LARGE1: variants seen among roughly 807,000 people sequenced by gnomAD.
The protein encoded by LARGE1 is LARGE xylosyl- and glucuronyltransferase 1.
LARGE1 carries 43 observed loss-of-function variants against 87.6 expected under a neutral mutation model. That is an observed-to-expected ratio of 0.49 (90% CI 0.38 to 0.63). LARGE1 has a LOEUF of 0.63. LARGE1 is among the 30% of genes least tolerant of loss of function. The pLI is 0.00. For synonymous variants in LARGE1, 434 were observed against 394.6 expected, an observed-to-expected ratio of 1.10 and a Z score of -1.18; for missense variants, 802 against 1,000.2, an observed-to-expected ratio of 0.80 and a Z score of 2.67.
chr22:33,814,610 CTCAGGACCACAGCT>C (rs1450963325), intron 1 of LARGE1, among the ~76,000 whole-genome samples: 1 of 152,160 alleles, frequency 6.6e-6, no homozygotes, highest in African/African-American at 2.4e-5. Context: ...CTGCCTCTGC[CTCAGGACCACAGCT>C]TCATTTTCTG....
At position 33,432,173 on chromosome 22, in the gene LARGE1, C is replaced by G; in HGVS notation, c.880G>C (p.Gly294Arg). 1 of 1,613,946 alleles carries G rather than the reference C, an allele frequency of 6.2e-7. No homozygotes were observed. Among genetic ancestry groups the G allele is most frequent in the Non-Finnish European group, 8.5e-7 (1 of 1,179,806 alleles). ...CCTGAGGATTTACCTGTGTTGTAGC[C>G]TCTTCCAAGGGCTGGCCATGGGCGG... is the stretch of plus-strand genomic sequence containing the variant. ...NHRPWPALGRGYNTGVILLLL... is the reference protein window; with the variant it reads ...NHRPWPALGRRYNTGVILLLL... Residue 294 changes from glycine (G) to arginine (R), a missense_variant, in exon 7 of 15, where the codon GGC becomes CGC. Gly to Arg is a moderately radical substitution (Grantham distance 125). This residue lies in a region of LARGE1 where 625 missense variants were observed against 841.9 expected (regional missense o/e 0.74). Transcript: ENST00000397394.
chr22:33,368,780 T>C (rs543399911), intron 9 of LARGE1, among the ~76,000 whole-genome samples: 6 of 152,220 alleles, frequency 3.9e-5, no homozygotes, highest in African/African-American at 1.2e-4. Flanking sequence ...CCGATACATA[T>C]AAAAATTATG....
At chr22:33,709,289 A>T (rs74640238) in intron 2 of LARGE1, among the ~76,000 whole-genome samples, 3,319 of 152,170 alleles carry the variant, frequency 0.022, 120 homozygotes, top group African/African-American at 0.074. Context: ...GACCCTGAAA[A>T]CACGATCCCA....
chr22:33,118,106 G>A, the LARGE1 span, among the ~76,000 whole-genome samples: 1 of 152,192 alleles, frequency 6.6e-6, no homozygotes, highest in African/African-American at 2.4e-5. Flanking sequence ...CAGAGGCAGG[G>A]TGGGGACACA....
the LARGE1 span, among the ~76,000 whole-genome samples, chr22:33,139,084 T>C: frequency 4.6e-5 from 7 of 152,150 alleles, no homozygotes; most frequent in African/African-American, 1.4e-4. Context: ...CATGACATGC[T>C]CCTCCTTGCC....
chr22:33,724,924 A>C (rs1408347181), intron 2 of LARGE1: 2 of 152,428 alleles, frequency 1.3e-5, no homozygotes, highest in African/African-American at 4.8e-5. Flanking sequence ...AAGGAAGGAA[A>C]GGTGGGGTGG....
At chr22:33,437,138 T>A (rs1013275542) in intron 6 of LARGE1, among the ~76,000 whole-genome samples, 1 of 152,190 alleles carries the variant, frequency 6.6e-6, no homozygotes, top group Non-Finnish European at 1.5e-5. Flanking sequence ...CAGATGCACA[T>A]TAAAGTTTGA....
chr22:33,220,814 T>A (rs1925421036), intron 11 of LARGE1, among the ~76,000 whole-genome samples: 1 of 152,194 alleles, frequency 6.6e-6, no homozygotes, highest in Admixed American at 6.5e-5. Context: ...TACCATCTCC[T>A]GGAAGAGCTT....
At chr22:33,261,282 C>T (rs946607785) in intron 11 of LARGE1, among the ~76,000 whole-genome samples, 3 of 152,136 alleles carry the variant, frequency 2.0e-5, no homozygotes, top group East Asian at 1.9e-4. Flanking sequence ...CTCATGGTTT[C>T]GCTTTGTTTA....
At chr22:33,395,168 G>A (rs1444150373) in intron 7 of LARGE1, among the ~76,000 whole-genome samples, 1 of 147,704 alleles carries the variant, frequency 6.8e-6, no homozygotes, top group African/African-American at 2.6e-5. Context: ...GGCGGAGCTT[G>A]CAGTGAGCCG....
chr22:33,206,058 C>A (rs1924666421), intron 11 of LARGE1, among the ~76,000 whole-genome samples: 1 of 151,054 alleles, frequency 6.6e-6, no homozygotes, highest in African/African-American at 2.4e-5. Flanking sequence ...CGGTTCACGC[C>A]ATTCTCCTCC....
rs116685901 is a variant in LARGE1 at position 33,600,128 on chromosome 22, T to A, written c.615+4307A>T. Among the ~76,000 whole-genome samples the A allele has an allele frequency of 5.7e-3, 872 of 152,286 alleles. 8 individuals carry two copies. The highest frequency in any genetic ancestry group is 0.02 in the African/African-American group (831 of 41,544). On this transcript the variant is annotated intron_variant, in intron 5 of 14. Coordinates refer to ENST00000397394, the MANE Select transcript of LARGE1 (RefSeq NM_133642.5). ...TCTACAGTGATAAAGAAACGTGAAT[T>A]CCTGGGCCTGACCGTGATAAAGAAA...
rs541256670 is a variant in LARGE1 at position 33,281,728 on chromosome 22, A to T, written c.1877+1474T>A. On this transcript the variant is annotated intron_variant, in intron 13 of 14. Transcript: ENST00000397394. ...TCCAGGCCACTTTCCAGAATTCTGGATAGAGGAAGAAGCCTGGAGTTTGAG... is the reference window on the plus strand; with the variant it reads ...TCCAGGCCACTTTCCAGAATTCTGGTTAGAGGAAGAAGCCTGGAGTTTGAG... Among the ~76,000 whole-genome samples, 618 of 152,286 alleles carry T rather than the reference A, an allele frequency of 4.1e-3. 3 individuals are homozygous for T. Among genetic ancestry groups the T allele is most frequent in the African/African-American group, 0.014 (585 of 41,558 alleles).
chr22:33,625,712 T>C (rs762997867), intron 4 of LARGE1, among the ~76,000 whole-genome samples: 4 of 152,244 alleles, frequency 2.6e-5, no homozygotes, highest in Admixed American at 6.5e-5. Flanking sequence ...TATGTTCACA[T>C]GGTCTGTGTT....
At chr22:33,159,825 G>A (rs1451849418), downstream of LARGE1, among the ~76,000 whole-genome samples, 3 of 151,334 alleles carry the variant, frequency 2.0e-5, no homozygotes, top group Non-Finnish European at 4.4e-5. Context: ...CTGACCTTAT[G>A]ATCCACCCGC....
intron 5 of LARGE1, among the ~76,000 whole-genome samples, chr22:33,574,094 T>C (rs1465455431): frequency 1.3e-5 from 2 of 152,212 alleles, no homozygotes; most frequent in South Asian, 2.1e-4. Flanking sequence ...TGGGAGTGAA[T>C]GAATGCTAGG....
intron 4 of LARGE1, among the ~76,000 whole-genome samples, chr22:33,623,336 A>G (rs1041165302): frequency 1.3e-5 from 2 of 152,164 alleles, no homozygotes; most frequent in Non-Finnish European, 2.9e-5. Flanking sequence ...TGGAAAGGGC[A>G]TCTCACCTCA....
In LARGE1 at chr22:33,378,778, C is replaced by T. The variant is rs146562918; in HGVS notation, c.1131+3141G>A. Among the ~76,000 whole-genome samples the T allele has an allele frequency of 2.0e-3, 305 of 151,422 alleles. 1 individual carries two copies. The highest frequency in any genetic ancestry group is 7.0e-3 in the African/African-American group (284 of 40,726). On this transcript the variant is annotated intron_variant, in intron 9 of 14. Transcript: ENST00000397394. ...TCTATGGGTTAGTGGCTTAGTCCCA[C>T]GAGGCTGCCCACTTCAGATGCCAGT...
At chr22:33,142,030 C>CAACAAAACAA in the LARGE1 span, among the ~76,000 whole-genome samples, 44 of 151,276 alleles carry the variant, frequency 2.9e-4, 1 homozygote, top group South Asian at 4.8e-3. Context: ...GCTTACTTAA[C>CAACAAAACAA]AACAAAACAA....
Sources: allele counts gnomAD v4.1 joint callset (sites outside exome capture counted in the v4.1 genomes callset), GRCh38; gene constraint gnomAD v4.1.1; regional missense constraint gnomAD v4.1.1; transcripts MANE v1.5; gene names NCBI Gene and HGNC (gene_info 2026-07-23, HGNC 2026-07-21).